LDLRAD2: variants seen among roughly 807,000 people sequenced by gnomAD.
The protein encoded by LDLRAD2 is low-density lipoprotein receptor class A domain-containing protein 2.
Under a neutral mutation model 24.9 loss-of-function variants are expected in LDLRAD2, and 25 were observed. The observed-to-expected ratio is 1.00, with a 90% CI of 0.73 to 1.40. The LOEUF (loss-of-function observed/expected upper bound fraction) is 1.40, where lower values mean the gene tolerates loss of function less well. LDLRAD2 is among the 40% of genes most tolerant of loss of function. The pLI, the probability that LDLRAD2 is intolerant of heterozygous loss-of-function variation, is 0.00. For synonymous variants in LDLRAD2, 182 were observed against 166.7 expected (o/e 1.09, Z -0.71); for missense variants, 391 against 366.2 (o/e 1.07, Z -0.55).
intron 2 of LDLRAD2, among the ~76,000 whole-genome samples, chr1:21,815,633 A>G (rs554695907): frequency 6.6e-6 from 1 of 152,162 alleles, no homozygotes; most frequent in East Asian, 1.9e-4. Context: ...AAAATAATTT[A>G]AAAAATATAA....
chr1:21,824,369 C>A lies in LDLRAD2; in HGVS notation c.*2154C>A. 1 of 1,613,870 alleles carries A rather than the reference C, an allele frequency of 6.2e-7. No individual in the cohort carries two copies. The stretch of plus-strand genomic sequence containing the variant: ...GAAGTCCTTGCCTTGGCCGGCCTCT[C>A]CCACCTCCTGCCAGGGAAGCACAGG... On this transcript the variant is annotated 3_prime_UTR_variant, in exon 5 of 5. Transcript: ENST00000344642. This position sits in a 1 kb window ranked among gnomAD's most constrained non-coding sequence, Gnocchi z 5.9.
At chr1:21,822,083 C>T in intron 4 of LDLRAD2, 119 bp from the exon 5 acceptor site, 1 of 1,580,382 alleles carries the variant, frequency 6.3e-7, no homozygotes, top group Non-Finnish European at 8.6e-7. Flanking sequence ...ACTCAGCTGC[C>T]CCTCTAGAAA....
Position 21,825,055 on chromosome 1 carries a change from G to T in LDLRAD2, c.*2840G>T, listed in dbSNP as rs2097966283. 2.0e-6 allele frequency: 1 copy of T among 502,104 alleles called. No homozygotes were observed. The highest frequency in any genetic ancestry group is 3.7e-6 in the Non-Finnish European group (1 of 273,894). The allele number at this position is 502,104 out of a possible 1,614,324, so 31.1% of individuals were successfully genotyped here. On this transcript the variant is annotated 3_prime_UTR_variant, in exon 5 of 5. Transcript: ENST00000344642. ...AACCAAAGTAGCAGTGGTAGGACCT[G>T]CAACTTTGTTACTAGTATTTGCTTA...
At chr1:21,813,722 A>G (rs79339793) in intron 1 of LDLRAD2, among the ~76,000 whole-genome samples, 1 of 152,180 alleles carries the variant, frequency 6.6e-6, no homozygotes, top group Non-Finnish European at 1.5e-5. Flanking sequence ...GGTTAACTCA[A>G]CGGCTCAACA....
At chr1:21,817,703 G>T (rs2097945322) in intron 3 of LDLRAD2, among the ~76,000 whole-genome samples, 1 of 152,168 alleles carries the variant, frequency 6.6e-6, no homozygotes, top group East Asian at 1.9e-4. Flanking sequence ...CACTCAGTTT[G>T]GGTGCTATTA....
In LDLRAD2 at chr1:21,823,025, G is replaced by A; in HGVS notation, c.*810G>A. The A allele has an allele frequency of 3.2e-6, 1 of 317,322 alleles. No homozygotes were observed. The highest frequency in any genetic ancestry group is 5.7e-6 in the Non-Finnish European group (1 of 174,504). The allele number at this position is 317,322 out of a possible 1,614,324, so 19.7% of individuals were successfully genotyped here. A position where few individuals can be genotyped will look rare whatever the true frequency, so the allele number is the denominator to read the frequency against. ...TGGGGGCTCCATCGGTGGGTAGGGGGACAGTGGGGGCAGTTCTGGGCCCAC... is the reference window on the plus strand; with the variant it reads ...TGGGGGCTCCATCGGTGGGTAGGGGAACAGTGGGGGCAGTTCTGGGCCCAC... On this transcript the variant is annotated 3_prime_UTR_variant, in exon 5 of 5. Transcript: ENST00000344642.
At position 21,822,788 on chromosome 1, in the gene LDLRAD2, A is replaced by T. The variant is rs1221418904; in HGVS notation, c.*573A>T. Reference sequence around the variant, plus strand: ...AGGTGGGTGGGGGTGCTGAAAAACGAGCTGGTGGGGATGGGGACCGCCTGC... The same window carrying T: ...AGGTGGGTGGGGGTGCTGAAAAACGTGCTGGTGGGGATGGGGACCGCCTGC... On this transcript the variant is annotated 3_prime_UTR_variant, in exon 5 of 5. Transcript: ENST00000344642. 6.3e-6 allele frequency: 1 copy of T among 159,302 alleles called. No homozygotes were observed. The highest frequency in any genetic ancestry group is 1.4e-5 in the Non-Finnish European group (1 of 72,592). The allele number at this position is 159,302 out of a possible 1,614,324, so 9.9% of individuals were successfully genotyped here. A position where few individuals can be genotyped will look rare whatever the true frequency, so the allele number is the denominator to read the frequency against.
intron 3 of LDLRAD2, among the ~76,000 whole-genome samples, chr1:21,821,179 A>G (rs2097951238): frequency 6.6e-6 from 1 of 152,224 alleles, no homozygotes; most frequent in South Asian, 2.1e-4. Context: ...CCTGGGCGAC[A>G]GAGTGAGACC....
At chr1:21,821,419 C>T (rs1370458255) in intron 3 of LDLRAD2, 31 bp from the exon 4 acceptor site, 6 of 1,611,476 alleles carry the variant, frequency 3.7e-6, no homozygotes, top group Non-Finnish European at 5.1e-6. Context: ...GGGCAGTTCT[C>T]AGTGTGCTAG....
rs769610711 is a variant in LDLRAD2 at position 21,824,416 on chromosome 1, G to T, written c.*2201G>T. 3 of 1,610,606 alleles carry T rather than the reference G, an allele frequency of 1.9e-6. No individual in the cohort carries two copies. The highest frequency in any genetic ancestry group is 2.2e-5 in the South Asian group (2 of 91,034). On this transcript the variant is annotated 3_prime_UTR_variant, in exon 5 of 5. Coordinates refer to ENST00000344642, the MANE Select transcript of LDLRAD2 (RefSeq NM_001013693.3). The surrounding 1 kb of genome is among the most constrained non-coding windows in gnomAD (Gnocchi z 5.9). ...CAGGGTCTCTGGGGTCCCCAGCCTGGAGAGCAGAGGCTGCCGAGGCCAGGG... is the reference window on the plus strand; with the variant it reads ...CAGGGTCTCTGGGGTCCCCAGCCTGTAGAGCAGAGGCTGCCGAGGCCAGGG...
rs1421851266 is a variant in LDLRAD2 at position 21,824,846 on chromosome 1, CT to C, written c.*2632del. The C allele has an allele frequency of 7.1e-7, 1 of 1,415,274 alleles. No individual in the cohort carries two copies. The highest frequency in any genetic ancestry group is 9.8e-7 in the Non-Finnish European group (1 of 1,020,684). The allele number at this position is 1,415,274 out of a possible 1,614,324, so 87.7% of individuals were successfully genotyped here. A position where few individuals can be genotyped will look rare whatever the true frequency, so the allele number is the denominator to read the frequency against. On this transcript the variant is annotated 3_prime_UTR_variant, in exon 5 of 5. Transcript: ENST00000344642. The surrounding 1 kb of genome is among the most constrained non-coding windows in gnomAD (Gnocchi z 5.9). ...GCATCAAAATCCCCCGTCAGTTCCCCTGACCCCCACCTCCACGCCAACATGC... is the reference window on the plus strand; with the variant it reads ...GCATCAAAATCCCCCGTCAGTTCCCCGACCCCCACCTCCACGCCAACATGC...
In LDLRAD2 at chr1:21,824,797, G is replaced by A; in HGVS notation, c.*2582G>A. ...AGGGGCATCTGTGGGAGAGAGGAGG[G>A]TGGTGCCATACCTGCTGCATCAGGC... is the stretch of plus-strand genomic sequence containing the variant. On this transcript the variant is annotated 3_prime_UTR_variant, in exon 5 of 5. Transcript: ENST00000344642. This position sits in a 1 kb window ranked among gnomAD's most constrained non-coding sequence, Gnocchi z 5.9. The A allele has an allele frequency of 6.2e-7, 1 of 1,605,356 alleles. No individual in the cohort carries two copies. Among genetic ancestry groups the A allele is most frequent in the Non-Finnish European group, 8.5e-7 (1 of 1,175,078 alleles).
intron 2 of LDLRAD2, among the ~76,000 whole-genome samples, chr1:21,815,213 C>T (rs377051398): frequency 1.2e-4 from 19 of 152,306 alleles, no homozygotes; most frequent in Middle Eastern, 3.4e-3. Flanking sequence ...GCACAACCCA[C>T]GCACCTCATC....
chr1:21,823,699 A>G lies in LDLRAD2; in HGVS notation c.*1484A>G, dbSNP rs1251953811. 6.2e-7 allele frequency: 1 copy of G among 1,613,548 alleles called. No individual in the cohort carries two copies. The highest frequency in any genetic ancestry group is 1.3e-5 in the African/African-American group (1 of 75,022). On this transcript the variant is annotated 3_prime_UTR_variant, in exon 5 of 5. Coordinates refer to ENST00000344642, the MANE Select transcript of LDLRAD2 (RefSeq NM_001013693.3). Reference sequence around the variant, plus strand: ...GACCAGCTCCTCACCGTCGACTTGGATGGAACCTCTGCGGCCCTCCCTGCA... The same window carrying G: ...GACCAGCTCCTCACCGTCGACTTGGGTGGAACCTCTGCGGCCCTCCCTGCA...
chr1:21,822,128 TG>T, intron 4 of LDLRAD2, 73 bp from the exon 5 acceptor site: 1 of 1,613,128 alleles, frequency 6.2e-7, no homozygotes. Flanking sequence ...GTTGGGGGCC[TG>T]GGGGCCTCGC....
chr1:21,821,147 T>C (rs1557657623), intron 3 of LDLRAD2, among the ~76,000 whole-genome samples: 2 of 152,046 alleles, frequency 1.3e-5, no homozygotes, highest in Non-Finnish European at 2.9e-5. Context: ...CAGTGAGTGG[T>C]GATTGCGCCA....
At position 21,824,599 on chromosome 1, in the gene LDLRAD2, C is replaced by T. The variant is rs138672955; in HGVS notation, c.*2384C>T. Reference sequence around the variant, plus strand: ...GTCCGAACCTCCAGCTCGATGGTCTCGGGCACCTCGGGCAGGCTGCGGAGG... The same window carrying T: ...GTCCGAACCTCCAGCTCGATGGTCTTGGGCACCTCGGGCAGGCTGCGGAGG... On this transcript the variant is annotated 3_prime_UTR_variant, in exon 5 of 5. Coordinates refer to ENST00000344642, the MANE Select transcript of LDLRAD2 (RefSeq NM_001013693.3). The surrounding 1 kb of genome is among the most constrained non-coding windows in gnomAD (Gnocchi z 5.9). 22 of 1,613,904 alleles carry T rather than the reference C, an allele frequency of 1.4e-5. No individual in the cohort carries two copies. The highest frequency in any genetic ancestry group is 1.8e-5 in the Non-Finnish European group (21 of 1,180,046).
In LDLRAD2 at chr1:21,822,625, G is replaced by A. The variant is rs2097954856; in HGVS notation, c.*410G>A. The A allele has an allele frequency of 4.8e-6, 1 of 207,546 alleles. No individual in the cohort carries two copies. Among genetic ancestry groups the A allele is most frequent in the African/African-American group, 2.3e-5 (1 of 43,726 alleles). 12.9% of individuals were successfully genotyped at this position (207,546 alleles called of 1,614,324 possible). On this transcript the variant is annotated 3_prime_UTR_variant, in exon 5 of 5. Transcript: ENST00000344642. ...CTCTGCCTGTAGCAGCTCCTGGTAA[G>A]AGTTGGGGTGGGCCTTCCCTTACAG...
At chr1:21,815,050 C>G (rs2097942496) in intron 2 of LDLRAD2, among the ~76,000 whole-genome samples, 1 of 152,166 alleles carries the variant, frequency 6.6e-6, no homozygotes, top group South Asian at 2.1e-4. Context: ...ATAAATCTGG[C>G]TACCATGGAT....
Sources: gnomAD v4.1 joint callset for allele counts (sites outside exome capture counted in the v4.1 genomes callset) on GRCh38, gnomAD v4.1.1 for gene constraint, Gnocchi (gnomAD v3.1) non-coding constraint, MANE v1.5 for transcripts, NCBI Gene and HGNC (gene_info 2026-07-23, HGNC 2026-07-21) for gene names.